SFTPC: variants seen among roughly 807,000 people sequenced by gnomAD.
The protein encoded by SFTPC is surfactant protein C.
In SFTPC, 12 loss-of-function variants were observed where a neutral mutation model predicts 19.9. The ratio of observed to expected loss-of-function variants is 0.60; its 90% CI spans 0.39 to 0.98. The LOEUF (loss-of-function observed/expected upper bound fraction) is 0.98. Ranked by LOEUF, SFTPC falls within the 50% of genes least tolerant of loss-of-function variation. SFTPC has a pLI of 0.00. For missense variants in SFTPC, 219 were observed against 252.2 expected (o/e 0.87, Z 0.89); for synonymous variants, 123 against 103.3 (o/e 1.19, Z -1.16).
upstream of SFTPC, chr8:22,161,523 A>G: frequency 1.8e-6 from 1 of 569,924 alleles, no homozygotes; most frequent in South Asian, 2.0e-5. Flanking sequence ...CAGGCACGCC[A>G]GGAAGACACC....
In SFTPC at chr8:22,161,881, T is replaced by C. The variant is rs1827739894; in HGVS notation, c.42+11T>C. On this transcript the variant is annotated intron_variant, in intron 1 of 5. Transcript: ENST00000679463. ...ATGGAGAGCCCGCCGGTGAGTGTGGTTGCGTGTGTGTATGTATGTGTGCGC... is the reference window on the plus strand; with the variant it reads ...ATGGAGAGCCCGCCGGTGAGTGTGGCTGCGTGTGTGTATGTATGTGTGCGC... 1 of 1,613,260 alleles carries C rather than the reference T, an allele frequency of 6.2e-7. No homozygotes were observed. Among genetic ancestry groups the C allele is most frequent in the Non-Finnish European group, 8.5e-7 (1 of 1,179,760 alleles).
intron 1 of SFTPC, among the ~76,000 whole-genome samples, 185 bp from the exon 2 acceptor site, chr8:22,162,389 T>G (rs948488459): frequency 1.3e-5 from 2 of 151,914 alleles, no homozygotes; most frequent in African/African-American, 4.8e-5. Flanking sequence ...TGTCTATGGG[T>G]TTGTTAGAAT....
upstream of SFTPC, chr8:22,161,534 C>T (rs1827718052): frequency 4.9e-6 from 3 of 618,432 alleles, no homozygotes; most frequent in South Asian, 5.9e-5. Flanking sequence ...GGAAGACACC[C>T]ATGGTGAGAA....
chr8:22,160,848 G>A (rs1271809582), upstream of SFTPC, among the ~76,000 whole-genome samples: 2 of 152,210 alleles, frequency 1.3e-5, no homozygotes, highest in Non-Finnish European at 2.9e-5. Flanking sequence ...AGAGAAAAGA[G>A]AAGGAGACAG....
chr8:22,160,550 G>A (rs1328315314), upstream of SFTPC, among the ~76,000 whole-genome samples: 1 of 152,186 alleles, frequency 6.6e-6, no homozygotes, highest in Non-Finnish European at 1.5e-5. Context: ...GGTCAACGCT[G>A]CAGTGAGCAG....
chr8:22,160,080 G>A (rs572746112), upstream of SFTPC, among the ~76,000 whole-genome samples: 10 of 152,332 alleles, frequency 6.6e-5, no homozygotes, highest in African/African-American at 2.4e-4. Flanking sequence ...GGAGTCTTAG[G>A]CAAATATTTA....
At position 22,162,299 on chromosome 8, in the gene SFTPC, G is replaced by A. The variant is rs2236739; in HGVS notation, c.43-275G>A. On this transcript the variant is annotated intron_variant, in intron 1 of 5. Transcript: ENST00000679463. ...GGAGAGAGAGGGGCTGACCATGGCTGGGGGAAGCAGCAGGGAGAGACAGGT... is the reference window on the plus strand; with the variant it reads ...GGAGAGAGAGGGGCTGACCATGGCTAGGGGAAGCAGCAGGGAGAGACAGGT... 0.36 allele frequency among the ~76,000 whole-genome samples: 54,395 copies of A among 151,958 alleles called. 10,636 individuals are homozygous for A. Among genetic ancestry groups the A allele is most frequent in the African/African-American group, 0.51 (20,988 of 41,396 alleles).
chr8:22,161,666 T>C, upstream of SFTPC: 1 of 1,596,732 alleles, frequency 6.3e-7, no homozygotes, highest in Admixed American at 1.7e-5. Flanking sequence ...TTATCTGGGC[T>C]TCGGTTCTGG....
upstream of SFTPC, among the ~76,000 whole-genome samples, chr8:22,161,145 C>T (rs963790209): frequency 2.6e-5 from 4 of 152,198 alleles, no homozygotes; most frequent in African/African-American, 9.6e-5. Context: ...AAGAGCTTGC[C>T]ACCAGTGGGG....
Position 22,164,296 on chromosome 8 carries a change from C to T in SFTPC, c.*49C>T. 3.3e-6 allele frequency: 5 copies of T among 1,536,180 alleles called. No homozygotes were observed. The highest frequency in any genetic ancestry group is 1.4e-5 in the African/African-American group (1 of 73,184). On this transcript the variant is annotated 3_prime_UTR_variant, in exon 6 of 6. Transcript: ENST00000679463. ...GTGGAAGCCCCAACGGGAAAGGAAA[C>T]GCCCCGGGCAAAGGGTCTTTTGCAG... is the stretch of plus-strand genomic sequence containing the variant.
At chr8:22,159,483 G>C (rs1451341291), upstream of SFTPC, 3 of 335,974 alleles carry the variant, frequency 8.9e-6, no homozygotes, top group African/African-American at 2.2e-5. Context: ...AGGAACCCAA[G>C]ACCTTCACTT....
Position 22,162,625 on chromosome 8 carries a change from C to A in SFTPC, c.94C>A (p.His32Asn). 1 of 1,614,206 alleles carries A rather than the reference C, an allele frequency of 6.2e-7. No homozygotes were observed. Among genetic ancestry groups the A allele is most frequent in the African/African-American group, 1.3e-5 (1 of 75,060 alleles). ...ATTTGGCATTCCCTGCTGCCCAGTG[C>A]ACCTGAAACGCCTTCTTATCGTGGT... ...GRFGIPCCPV[H>N]LKRLLIVVVV... The change falls in exon 2 of 6, where the codon CAC becomes AAC. Residue 32 changes from histidine to asparagine, a missense_variant. Physicochemically the swap from His to Asn is moderately conservative, Grantham distance 68. Coordinates refer to ENST00000679463, the MANE Select transcript of SFTPC (RefSeq NM_001317778.2).
intron 2 of SFTPC, 133 bp downstream of exon 2, chr8:22,162,865 C>G (rs1337783436): frequency 1.3e-5 from 18 of 1,381,146 alleles, no homozygotes; most frequent in Non-Finnish European, 1.8e-5. Context: ...AGGAAAGAGG[C>G]ACGAACCAGG....
intron 4 of SFTPC, 29 bp downstream of exon 4, chr8:22,163,575 C>G (rs1408989888): frequency 6.8e-7 from 1 of 1,473,368 alleles, no homozygotes; most frequent in Non-Finnish European, 9.5e-7. Context: ...AAAGAGTGGG[C>G]TGTCTCCCTC....
In SFTPC at chr8:22,164,026, G is replaced by A. The variant is rs1308709805; in HGVS notation, c.561G>A (p.Pro187=). Reference sequence around the variant, plus strand: ...TGAGCACCCTGTGTGGCGAGGTGCCGCTCTACTACATCTAGGACGCCTCCG... The same window carrying A: ...TGAGCACCCTGTGTGGCGAGGTGCCACTCTACTACATCTAGGACGCCTCCG... The part of the protein sequence containing the change: ...MAVSTLCGEV[P]LYYI The change falls in exon 5 of 6, where the codon CCG becomes CCA. Residue 187 remains proline, a synonymous_variant. Coordinates refer to ENST00000679463, the MANE Select transcript of SFTPC (RefSeq NM_001317778.2). The A allele has an allele frequency of 1.2e-6, 2 of 1,611,942 alleles. No individual in the cohort carries two copies. Among genetic ancestry groups the A allele is most frequent in the Admixed American group, 3.3e-5 (2 of 60,018 alleles).
upstream of SFTPC, chr8:22,158,776 A>C (rs949325618): frequency 2.6e-5 from 4 of 152,184 alleles, no homozygotes; most frequent in African/African-American, 9.7e-5. Flanking sequence ...TGGCCAGTGG[A>C]AGCACTGAGA....
chr8:22,158,719 A>G (rs2131804312), upstream of SFTPC: 1 of 152,262 alleles, frequency 6.6e-6, no homozygotes, highest in East Asian at 1.9e-4. Context: ...ACAGATGAAC[A>G]TACTAATGCC....
chr8:22,163,662 T>G, intron 4 of SFTPC, 116 bp downstream of exon 4: 1 of 823,738 alleles, frequency 1.2e-6, no homozygotes, highest in Non-Finnish European at 2.1e-6. Flanking sequence ...GGCTGCCAGC[T>G]GACTGCCCCT....
chr8:22,162,850 C>T (rs1173553795), intron 2 of SFTPC, 118 bp downstream of exon 2: 2 of 1,438,112 alleles, frequency 1.4e-6, no homozygotes, highest in Non-Finnish European at 1.9e-6. Flanking sequence ...AGGGGCACAG[C>T]TAGAAGGAAA....
Sources: gnomAD v4.1 joint callset for allele counts (sites outside exome capture counted in the v4.1 genomes callset) on GRCh38, gnomAD v4.1.1 for gene constraint, MANE v1.5 for transcripts, NCBI Gene and HGNC (gene_info 2026-07-23, HGNC 2026-07-21) for gene names.